The following VRK3 variants were observed in gnomAD, a reference collection of about 807,000 sequenced individuals.
VRK3 encodes VRK serine/threonine kinase 3, also known as serine/threonine-protein kinase VRK3.
A neutral mutation model predicts 60.4 loss-of-function variants in VRK3; 50 were observed. The ratio of observed to expected loss-of-function variants is 0.83; its 90% CI spans 0.66 to 1.05. The LOEUF (loss-of-function observed/expected upper bound fraction) is 1.05. Among genes scored for constraint, VRK3 ranks in the 50% least tolerant of loss-of-function variants. The pLI, the probability that VRK3 is intolerant of heterozygous loss-of-function variation, is 0.00. For missense variants in VRK3, 549 were observed against 585.3 expected (o/e 0.94, Z 0.64); for synonymous variants, 246 against 227.8 (o/e 1.08, Z -0.72).
intron 2 of VRK3, 191 bp downstream of exon 2, chr19:50,020,394 C>G (rs1274578848): frequency 1.3e-5 from 2 of 152,288 alleles, no homozygotes; most frequent in East Asian, 1.9e-4. Flanking sequence ...TCCCCAGATG[C>G]TGACTGCCCT....
chr19:49,977,825 A>T (rs34958342), intron 14 of VRK3, among the ~76,000 whole-genome samples: 36,041 of 151,852 alleles, frequency 0.24, 4,848 homozygotes, highest in African/African-American at 0.36. Flanking sequence ...TCTCGGCACC[A>T]CTGGTTGAGG....
intron 5 of VRK3, among the ~76,000 whole-genome samples, chr19:50,006,295 G>GC (rs1329718598): frequency 6.6e-6 from 1 of 150,648 alleles, no homozygotes; most frequent in Admixed American, 6.6e-5. Flanking sequence ...GGGTGACAGA[G>GC]CAAGACTCTC....
intron 1 of VRK3, chr19:50,024,963 G>C (rs1414942113): frequency 6.6e-6 from 1 of 152,204 alleles, no homozygotes; most frequent in Admixed American, 6.5e-5. Flanking sequence ...GCCTCCCTTC[G>C]GCCGCACCTC....
chr19:50,000,913 TC>T, intron 5 of VRK3, 59 bp from the exon 6 acceptor site: 1 of 1,511,576 alleles, frequency 6.6e-7, no homozygotes, highest in Non-Finnish European at 9.0e-7. Flanking sequence ...AGGGTCATCA[TC>T]CCCAAACTTC....
intron 6 of VRK3, chr19:49,997,836 C>G (rs970709076): frequency 4.4e-5 from 16 of 366,748 alleles, no homozygotes; most frequent in African/African-American, 2.9e-4. Flanking sequence ...CTACGTTTCC[C>G]AGCTTCCTTT....
intron 5 of VRK3, chr19:50,001,467 G>C (rs1293702612): frequency 6.6e-6 from 1 of 152,418 alleles, no homozygotes; most frequent in African/African-American, 2.4e-5. Flanking sequence ...GCCCAACACG[G>C]ACGCACGCTG....
At chr19:49,993,024 G>GAC (rs1160955) in intron 9 of VRK3, 72 bp from the exon 10 acceptor site, 1,295,069 of 1,426,084 alleles carry the variant, frequency 0.91, 589,163 homozygotes, top group African/African-American at 0.98. Flanking sequence ...TGCAGACCAG[G>GAC]AGGGAGCCCC....
At chr19:49,982,060 C>T (rs569566733) in intron 12 of VRK3, 10 of 694,826 alleles carry the variant, frequency 1.4e-5, no homozygotes, top group East Asian at 5.4e-5. Context: ...GGCTGCATAA[C>T]GGAGATATCT....
chr19:50,018,304 T>G (rs2077109721), intron 2 of VRK3, among the ~76,000 whole-genome samples: 1 of 152,230 alleles, frequency 6.6e-6, no homozygotes, highest in African/African-American at 2.4e-5. Flanking sequence ...GTTACTATAT[T>G]CCAGTCATTA....
chr19:50,014,675 A>C (rs1348474205), intron 3 of VRK3, among the ~76,000 whole-genome samples: 1 of 152,214 alleles, frequency 6.6e-6, no homozygotes, highest in Non-Finnish European at 1.5e-5. Flanking sequence ...CGGCAAGCGC[A>C]CAGGCTGAGG....
intron 6 of VRK3, chr19:49,999,706 AG>A (rs1210669872): frequency 6.6e-6 from 1 of 151,262 alleles, no homozygotes; most frequent in Non-Finnish European, 1.5e-5. Context: ...GAGCCTCTCC[AG>A]GGCTGGGCCT....
chr19:49,987,528 T>A (rs2076537530), intron 12 of VRK3, among the ~76,000 whole-genome samples: 1 of 152,204 alleles, frequency 6.6e-6, no homozygotes, highest in Admixed American at 6.5e-5. Flanking sequence ...GCTGAATGTT[T>A]AAACCAGCAC....
intron 12 of VRK3, chr19:49,981,526 CAG>C (rs1043996746): frequency 1.4e-5 from 4 of 277,930 alleles, no homozygotes; most frequent in Non-Finnish European, 2.2e-5. Context: ...GCCTGGGCGA[CAG>C]AGAGAGACTC....
At chr19:49,990,369 C>G (rs1934434386) in intron 10 of VRK3, among the ~76,000 whole-genome samples, 1 of 152,162 alleles carries the variant, frequency 6.6e-6, no homozygotes, top group African/African-American at 2.4e-5. Flanking sequence ...TAAAGTTAAC[C>G]AAATCTTCTT....
rs569091069 is a variant in VRK3, at chr19:49,993,620, G to T, written c.871-668C>A. 2.6e-5 allele frequency among the ~76,000 whole-genome samples: 4 copies of T among 152,234 alleles called. No individual in the cohort carries two copies. In the South Asian group the frequency reaches 8.3e-4, roughly 32 times the overall value. ...TTGCCATGTTGCCCAGGCTGGTCTTGAACTCCTGAGCTCAAGTGATCCACC... is the reference window on the plus strand; with the variant it reads ...TTGCCATGTTGCCCAGGCTGGTCTTTAACTCCTGAGCTCAAGTGATCCACC... On this transcript the variant is annotated intron_variant, in intron 9 of 14. Transcript: ENST00000316763.
chr19:50,010,784 G>A (rs573249021), intron 3 of VRK3, among the ~76,000 whole-genome samples: 3 of 152,226 alleles, frequency 2.0e-5, no homozygotes, highest in South Asian at 2.1e-4. Context: ...GTGGTGGCAG[G>A]TGCCTGTAAA....
At chr19:50,018,612 T>C (rs2122635308) in intron 2 of VRK3, among the ~76,000 whole-genome samples, 1 of 152,344 alleles carries the variant, frequency 6.6e-6, no homozygotes, top group Middle Eastern at 3.4e-3. Context: ...CAAGTATCTT[T>C]TACTCTCTAG....
intron 5 of VRK3, 123 bp from the exon 6 acceptor site, chr19:50,000,977 T>G: frequency 1.2e-6 from 1 of 821,394 alleles, no homozygotes; most frequent in Non-Finnish European, 1.9e-6. Flanking sequence ...TCAAGCGCAC[T>G]CTTGGCTCTC....
At chr19:50,024,314 A>C (rs940278984) in intron 1 of VRK3, among the ~76,000 whole-genome samples, 13 of 152,206 alleles carry the variant, frequency 8.5e-5, no homozygotes, top group African/African-American at 2.9e-4. Flanking sequence ...TAAGTATATG[A>C]TTTGCACAAC....
Sources: gnomAD v4.1 joint callset for allele counts (sites outside exome capture counted in the v4.1 genomes callset) on GRCh38, gnomAD v4.1.1 for gene constraint, MANE v1.5 for transcripts, NCBI Gene and HGNC (gene_info 2026-07-23, HGNC 2026-07-21) for gene names.